The following MIDN variants were observed in gnomAD, a reference collection of about 807,000 sequenced individuals.
MIDN encodes the protein midnolin, also known as midbrain nucleolar protein.
A neutral mutation model predicts 46.1 loss-of-function variants in MIDN; 26 were observed. The ratio of observed to expected loss-of-function variants is 0.56; its 90% CI spans 0.41 to 0.78. The LOEUF is 0.78. Among genes scored for constraint, MIDN ranks in the 30% least tolerant of loss-of-function variants. The pLI is 0.00. For missense variants in MIDN, 850 were observed against 771.8 expected, an observed-to-expected ratio of 1.10 and a Z score of -1.20; for synonymous variants, 432 against 343.3, an observed-to-expected ratio of 1.26 and a Z score of -2.86.
chr19:1,252,312 C>T (rs10416809), intron 4 of MIDN, among the ~76,000 whole-genome samples: 55,025 of 151,910 alleles, frequency 0.36, 10,935 homozygotes, highest in East Asian at 0.53. Context: ...CTGGGGGTGG[C>T]GGCTTGGGTG....
At position 1,251,656 on chromosome 19, in the gene MIDN, G is replaced by T. The variant is rs1345494550; in HGVS notation, c.321+7G>T. 2 of 1,606,902 alleles carry T rather than the reference G, an allele frequency of 1.2e-6. No homozygotes were observed. The highest frequency in any genetic ancestry group is 4.5e-5 in the East Asian group (2 of 44,670). ...CGTGGAAGCGGGCCTCATGGTAAAT[G>T]GCCATGGGGCTGCGTGCCCCCAGAG... On this transcript the variant is annotated splice_region_variant and intron_variant, in intron 3 of 8. Coordinates refer to ENST00000682408, the MANE Select transcript of MIDN (RefSeq NM_001388306.1).
In MIDN at chr19:1,257,347, A is replaced by T. The variant is rs891554375; in HGVS notation, c.*75A>T. 22 of 1,328,156 alleles carry T rather than the reference A, an allele frequency of 1.7e-5. No individual in the cohort carries two copies. The highest frequency in any genetic ancestry group is 2.3e-5 in the Non-Finnish European group (22 of 940,570). 82.3% of individuals were successfully genotyped at this position (1,328,156 alleles called of 1,614,324 possible). A position where few individuals can be genotyped will look rare whatever the true frequency, so the allele number is the denominator to read the frequency against. On this transcript the variant is annotated 3_prime_UTR_variant, in exon 9 of 9. Transcript: ENST00000682408. The stretch of plus-strand genomic sequence containing the variant: ...GGGGACTCCGAGAGCCCCGGAGAGA[A>T]CGTGGCCCAGCCCTGGAGGGCAGGC...
chr19:1,254,583 C>G (rs577137940), intron 6 of MIDN, 105 bp downstream of exon 6: 1 of 1,257,570 alleles, frequency 8.0e-7, no homozygotes, highest in East Asian at 2.5e-5. Flanking sequence ...AGGTGAGTCC[C>G]TTGTATTAAG....
intron 2 of MIDN, among the ~76,000 whole-genome samples, chr19:1,250,962 C>T (rs1405377670): frequency 6.6e-6 from 1 of 152,068 alleles, no homozygotes; most frequent in Non-Finnish European, 1.5e-5. Context: ...AGCCTCCCCT[C>T]CCCCCTGGTA....
rs774473060 is a variant in MIDN, at chr19:1,254,900, A to T, written c.826-2A>T. 1 of 1,599,194 alleles carries T rather than the reference A, an allele frequency of 6.3e-7. No homozygotes were observed. The highest frequency in any genetic ancestry group is 1.1e-5 in the South Asian group (1 of 90,694). ...TGCTCATGTGCCCCTTCCTCCCATC[A>T]GCAGATGGACTGCTCCCCCACGGCC... On this transcript the variant is annotated splice_acceptor_variant, in intron 6 of 8. Transcript: ENST00000682408. LOFTEE classifies it high-confidence loss of function.
rs1157976355 is a variant in MIDN at position 1,255,438 on chromosome 19, C to T, written c.1002C>T (p.Asn334=). The part of the protein sequence containing the change: ...SGTFSGTLHP[N]CQDSSGRPRR... ...TGCCCGCAGGCACGCTACACCCCAA[C>T]TGCCAAGACAGCAGCGGGCGGCCGC... The change falls in exon 8 of 9, where the codon AAC becomes AAT. Residue 334 remains asparagine, a synonymous_variant. Coordinates refer to ENST00000682408, the MANE Select transcript of MIDN (RefSeq NM_001388306.1). 6.3e-7 allele frequency: 1 copy of T among 1,596,832 alleles called. No homozygotes were observed. The highest frequency in any genetic ancestry group is 1.7e-5 in the Admixed American group (1 of 58,064).
chr19:1,254,221 G>A lies in MIDN; in HGVS notation c.568G>A (p.Asp190Asn), dbSNP rs761280459. 21 of 1,597,782 alleles carry A rather than the reference G, an allele frequency of 1.3e-5. No individual in the cohort carries two copies. Among genetic ancestry groups the A allele is most frequent in the African/African-American group, 1.1e-4 (8 of 74,634 alleles). ...SPLTLALRVG[D>N]HMMFVQLQLA... ...ACTGACACTGGCCTTGCGTGTGGGC[G>A]ACCACATGATGTTCGTGCAGCTGCA... The change falls in exon 6 of 9, where the codon GAC becomes AAC. Residue 190 changes from aspartate to asparagine, a missense_variant. By Grantham distance (23) the Asp-to-Asn change is conservative. Transcript: ENST00000682408.
intron 2 of MIDN, 81 bp from the exon 3 acceptor site, chr19:1,251,481 C>G: frequency 7.7e-7 from 1 of 1,302,282 alleles, no homozygotes; most frequent in Non-Finnish European, 1.1e-6. Flanking sequence ...CCCACACAAG[C>G]ACAGCCCTCC....
At position 1,257,297 on chromosome 19, in the gene MIDN, C is replaced by T. The variant is rs770662121; in HGVS notation, c.*25C>T. 1.2e-5 allele frequency: 19 copies of T among 1,603,006 alleles called. No individual in the cohort carries two copies. Among genetic ancestry groups the T allele is most frequent in the Non-Finnish European group, 1.4e-5 (17 of 1,172,754 alleles). Reference sequence around the variant, plus strand: ...GGATCTTCGGATCGGCCACCCTCGCCCCTCGCACCCCAGCCCAGGGCGGCG... The same window carrying T: ...GGATCTTCGGATCGGCCACCCTCGCTCCTCGCACCCCAGCCCAGGGCGGCG... On this transcript the variant is annotated 3_prime_UTR_variant, in exon 9 of 9. Coordinates refer to ENST00000682408, the MANE Select transcript of MIDN (RefSeq NM_001388306.1).
intron 2 of MIDN, 98 bp downstream of exon 2, chr19:1,250,627 A>G: frequency 1.7e-6 from 1 of 577,288 alleles, no homozygotes; most frequent in Non-Finnish European, 2.3e-6. Flanking sequence ...GGGCGGCCAG[A>G]CAGGGGGCGG....
rs201471276 is a variant in MIDN at position 1,255,537 on chromosome 19, C to T, written c.1101C>T (p.Pro367=). The change falls in exon 8 of 9, where the codon CCC becomes CCT. Residue 367 remains proline, a synonymous_variant. Coordinates refer to ENST00000682408, the MANE Select transcript of MIDN (RefSeq NM_001388306.1). The part of the protein sequence containing the change: ...LSATRHYQGM[P]PSLAQLRCHA... ...CCACCCGGCACTACCAGGGCATGCC[C>T]CCTTCGCTGGCCCAGCTCCGCTGCC... 51 of 1,611,844 alleles carry T rather than the reference C, an allele frequency of 3.2e-5. No homozygotes were observed. The highest frequency in any genetic ancestry group is 4.2e-5 in the Non-Finnish European group (50 of 1,179,606).
Position 1,254,916 on chromosome 19 carries a change from C to T in MIDN, c.840C>T (p.Ser280=), listed in dbSNP as rs764329001. 34 of 1,606,070 alleles carry T rather than the reference C, an allele frequency of 2.1e-5. No individual in the cohort carries two copies. The Admixed American group carries it at 5.7e-4, about 27-fold the overall frequency. ...STTCPEQMDC[S]PTASSSASPG... ...CCTCCCATCAGCAGATGGACTGCTC[C>T]CCCACGGCCAGCAGCAGTGCCAGTC... is the stretch of plus-strand genomic sequence containing the variant. The change falls in exon 7 of 9, where the codon TCC becomes TCT. Residue 280 remains serine (S), a synonymous_variant. Coordinates refer to ENST00000682408, the MANE Select transcript of MIDN (RefSeq NM_001388306.1).
Position 1,257,245 on chromosome 19 carries a change from C to T in MIDN, c.1509C>T (p.Asp503=), listed in dbSNP as rs1205506112. Residue 503 remains aspartate (D), a synonymous_variant, in exon 9 of 9, where the codon GAC becomes GAT. Coordinates refer to ENST00000682408, the MANE Select transcript of MIDN (RefSeq NM_001388306.1). ...TGTGGAAGCCAGAAGTCAACCCTGA[C>T]ATCAAGTCAGAGTTCGTGGTGGCTT... is the stretch of plus-strand genomic sequence containing the variant. ...DSVWKPEVNP[D]IKSEFVVA is the part of the protein sequence containing the mutation. 2.5e-6 allele frequency: 4 copies of T among 1,612,032 alleles called. No individual in the cohort carries two copies. The highest frequency in any genetic ancestry group is 3.4e-6 in the Non-Finnish European group (4 of 1,179,698).
chr19:1,250,600 C>G (rs1040723389), intron 2 of MIDN, 71 bp downstream of exon 2: 76 of 883,424 alleles, frequency 8.6e-5, no homozygotes, highest in Non-Finnish European at 1.1e-4. Flanking sequence ...AAGAGCGCGC[C>G]GCGCGGGGAA....
intron 1 of MIDN, among the ~76,000 whole-genome samples, chr19:1,249,080 G>T (rs1329777596): frequency 1.3e-5 from 2 of 151,396 alleles, no homozygotes; most frequent in Non-Finnish European, 3.0e-5. Flanking sequence ...CCGGCAGAGG[G>T]CGCGCCCGAG....
chr19:1,258,018 G>C lies in MIDN; in HGVS notation c.*746G>C, dbSNP rs949319847. 6.6e-6 allele frequency: 1 copy of C among 152,410 alleles called. No individual in the cohort carries two copies. The highest frequency in any genetic ancestry group is 2.4e-5 in the African/African-American group (1 of 41,422). 9.4% of individuals were successfully genotyped at this position (152,410 alleles called of 1,614,324 possible). A position where few individuals can be genotyped will look rare whatever the true frequency, so the allele number is the denominator to read the frequency against. On this transcript the variant is annotated 3_prime_UTR_variant, in exon 9 of 9. Coordinates refer to ENST00000682408, the MANE Select transcript of MIDN (RefSeq NM_001388306.1). ...CAGGGGCATGGCACCCTTTCCTGTC[G>C]GGAAGGGAGAGGGGAACTACCCCCC...
chr19:1,253,690 A>T (rs149732410), intron 4 of MIDN: 1 of 223,976 alleles, frequency 4.5e-6, no homozygotes, highest in Non-Finnish European at 9.0e-6. Flanking sequence ...AGGTTAGGAC[A>T]GAAGAATTCG....
At chr19:1,254,872 C>T (rs746502535) in intron 6 of MIDN, 30 bp from the exon 7 acceptor site, 1 of 1,580,592 alleles carries the variant, frequency 6.3e-7, no homozygotes, top group Admixed American at 1.7e-5. Flanking sequence ...ATCCTGGACC[C>T]CGTGCTCATG....
Position 1,254,208 on chromosome 19 carries a change from C to A in MIDN, c.555C>A (p.Ala185=). The A allele has an allele frequency of 6.3e-7, 1 of 1,598,850 alleles. No homozygotes were observed. ...FLSGRSPLTL[A]LRVGDHMMFV... Reference sequence around the variant, plus strand: ...CGGGCCGTTCGCCACTGACACTGGCCTTGCGTGTGGGCGACCACATGATGT... The same window carrying A: ...CGGGCCGTTCGCCACTGACACTGGCATTGCGTGTGGGCGACCACATGATGT... Residue 185 remains alanine, a synonymous_variant, in exon 6 of 9, where the codon GCC becomes GCA. Coordinates refer to ENST00000682408, the MANE Select transcript of MIDN (RefSeq NM_001388306.1).
Sources: gnomAD v4.1 joint callset for allele counts (sites outside exome capture counted in the v4.1 genomes callset) on GRCh38, gnomAD v4.1.1 for gene constraint, MANE v1.5 for transcripts, NCBI Gene and HGNC (gene_info 2026-07-23, HGNC 2026-07-21) for gene names.